EPHA7: variants seen among roughly 807,000 people sequenced by gnomAD.
EPHA7 encodes the protein ephrin type-A receptor 7.
In EPHA7, 25 loss-of-function variants were observed where a neutral mutation model predicts 112.6. The ratio of observed to expected loss-of-function variants is 0.22; its 90% CI spans 0.16 to 0.31. The LOEUF is 0.31. Ranked by LOEUF, EPHA7 falls within the 10% of genes least tolerant of loss-of-function variation. EPHA7 has a pLI of 1.00. For missense variants in EPHA7, 962 were observed against 1,212.6 expected, an observed-to-expected ratio of 0.79 and a Z score of 3.07; for synonymous variants, 437 against 406.5, an observed-to-expected ratio of 1.07 and a Z score of -0.90.
chr6:93,249,253 T>G (rs1770098618), intron 14 of EPHA7, among the ~76,000 whole-genome samples: 1 of 152,154 alleles, frequency 6.6e-6, no homozygotes, highest in Non-Finnish European at 1.5e-5. Flanking sequence ...TCTGCAAGGA[T>G]CACAAATATA....
intron 5 of EPHA7, among the ~76,000 whole-genome samples, chr6:93,356,070 T>C (rs774794797): frequency 6.6e-6 from 1 of 152,212 alleles, no homozygotes; most frequent in Non-Finnish European, 1.5e-5. Flanking sequence ...TTTATGATCA[T>C]GAGCATAACA....
chr6:93,324,050 C>T (rs913241976), intron 5 of EPHA7, among the ~76,000 whole-genome samples: 4 of 151,412 alleles, frequency 2.6e-5, no homozygotes, highest in African/African-American at 9.7e-5. Context: ...GGCAGACAGA[C>T]TCTTTTGAGC....
Position 93,269,592 on chromosome 6 carries a change from T to A in EPHA7, c.1518A>T (p.Lys506Asn). Residue 506 changes from lysine (K) to asparagine (N), a missense_variant, in exon 7 of 17, where the codon AAA (lysine) becomes AAT (asparagine). Physicochemically the swap from Lys to Asn is moderately conservative, Grantham distance 94 (BLOSUM62 0). This residue lies in a region of EPHA7 where 746 missense variants were observed against 889.2 expected (regional missense o/e 0.84). Transcript: ENST00000369303. ...TCTGGAAAACATACACTGTTCCTGGTTTCAGATTATTAATGGAGGCTGAAG... is the reference window on the plus strand; with the variant it reads ...TCTGGAAAACATACACTGTTCCTGGATTCAGATTATTAATGGAGGCTGAAG... Reference protein sequence around the residue: ...KSTSASINNLKPGTVYVFQIR... With the variant: ...KSTSASINNLNPGTVYVFQIR... 1 of 1,603,498 alleles carries A rather than the reference T, an allele frequency of 6.2e-7. No homozygotes were observed. Among genetic ancestry groups the A allele is most frequent in the Non-Finnish European group, 8.5e-7 (1 of 1,174,856 alleles).
At chr6:93,301,079 C>T (rs1261462319) in intron 5 of EPHA7, among the ~76,000 whole-genome samples, 1 of 152,080 alleles carries the variant, frequency 6.6e-6, no homozygotes, top group South Asian at 2.1e-4. Context: ...TTGTGTATGT[C>T]GTCTGTCCTT....
At chr6:93,263,948 C>G (rs778458360) in intron 8 of EPHA7, 33 bp from the exon 9 acceptor site, 4 of 1,568,842 alleles carry the variant, frequency 2.5e-6, no homozygotes, top group Non-Finnish European at 3.5e-6. Context: ...CAATCTCAGT[C>G]ATTTTACTTT....
At chr6:93,367,797 A>T (rs145576012) in intron 3 of EPHA7, among the ~76,000 whole-genome samples, 2 of 152,318 alleles carry the variant, frequency 1.3e-5, no homozygotes, top group East Asian at 3.9e-4. Flanking sequence ...TGAAGAACTT[A>T]GTATGCTGCC....
chr6:93,308,965 A>G (rs1240224921), intron 5 of EPHA7, among the ~76,000 whole-genome samples: 1 of 141,932 alleles, frequency 7.0e-6, no homozygotes, highest in Admixed American at 6.8e-5. Flanking sequence ...TTTTTTTTTT[A>G]AACTACAGAG....
chr6:93,397,248 T>C (rs1028904068), intron 3 of EPHA7, among the ~76,000 whole-genome samples: 1 of 151,806 alleles, frequency 6.6e-6, no homozygotes, highest in African/African-American at 2.4e-5. Context: ...ATTTTTATTC[T>C]CTCAAGTAAA....
chr6:93,317,566 C>G (rs1261243965), intron 5 of EPHA7, among the ~76,000 whole-genome samples: 3 of 152,078 alleles, frequency 2.0e-5, no homozygotes, highest in Non-Finnish European at 2.9e-5. Context: ...TTTAATGAGG[C>G]CTTGGCATAT....
chr6:93,409,456 G>A (rs1244784901), intron 3 of EPHA7, among the ~76,000 whole-genome samples: 2 of 151,900 alleles, frequency 1.3e-5, no homozygotes, highest in African/African-American at 2.4e-5. Context: ...GTATGTAAAG[G>A]AAATGGAGGA....
intron 3 of EPHA7, among the ~76,000 whole-genome samples, chr6:93,405,056 A>G (rs965734727): frequency 6.6e-6 from 1 of 151,916 alleles, no homozygotes; most frequent in Non-Finnish European, 1.5e-5. Context: ...GTGTACAAAA[A>G]TAAAAGTTAA....
chr6:93,275,978 C>G (rs1306851295), intron 5 of EPHA7, among the ~76,000 whole-genome samples: 4 of 151,974 alleles, frequency 2.6e-5, no homozygotes, highest in African/African-American at 7.2e-5. Flanking sequence ...CCCCTGCCAA[C>G]AGGTTAAGCT....
At chr6:93,269,742 T>C (rs930011024) in intron 6 of EPHA7, 82 bp from the exon 7 acceptor site, 29 of 1,174,740 alleles carry the variant, frequency 2.5e-5, no homozygotes, top group Non-Finnish European at 2.7e-5. Flanking sequence ...TTTAATTCAA[T>C]TTGCTCCATT....
At position 93,260,559 on chromosome 6, in the gene EPHA7, C is replaced by A. The variant is rs149980202; in HGVS notation, c.1799-1080G>T. The A allele has an allele frequency of 2.1e-4, 197 of 947,660 alleles. No individual in the cohort carries two copies. In the African/African-American group the frequency reaches 3.3e-3, roughly 16 times the overall value. 58.7% of individuals were successfully genotyped at this position (947,660 alleles called of 1,614,324 possible). ...TTACTATTTGGAGAACAATATATTTCTTTATATATTACACTGCAGCCTAAC... is the reference window on the plus strand; with the variant it reads ...TTACTATTTGGAGAACAATATATTTATTTATATATTACACTGCAGCCTAAC... On this transcript the variant is annotated intron_variant, in intron 9 of 16. Coordinates refer to ENST00000369303, the MANE Select transcript of EPHA7 (RefSeq NM_004440.4).
At chr6:93,293,265 A>G (rs1772480618) in intron 5 of EPHA7, among the ~76,000 whole-genome samples, 1 of 151,972 alleles carries the variant, frequency 6.6e-6, no homozygotes, top group African/African-American at 2.4e-5. Context: ...AAAATTTAAA[A>G]CAATCAAATT....
chr6:93,331,776 A>T (rs1334453474), intron 5 of EPHA7, among the ~76,000 whole-genome samples: 1 of 151,694 alleles, frequency 6.6e-6, no homozygotes, highest in East Asian at 1.9e-4. Flanking sequence ...TTATCAATTA[A>T]TTATTTCTTC....
At chr6:93,264,023 G>T in intron 8 of EPHA7, 108 bp from the exon 9 acceptor site, 1 of 703,666 alleles carries the variant, frequency 1.4e-6, no homozygotes, top group Non-Finnish European at 2.3e-6. Flanking sequence ...TAAATTTACT[G>T]TTCATAGTTA....
At chr6:93,280,918 C>T (rs1305069311) in intron 5 of EPHA7, among the ~76,000 whole-genome samples, 1 of 152,004 alleles carries the variant, frequency 6.6e-6, no homozygotes, top group Non-Finnish European at 1.5e-5. Context: ...AGATTCAGGC[C>T]TTCGTATTTT....
At chr6:93,280,756 TTAAA>T (rs1771693798) in intron 5 of EPHA7, among the ~76,000 whole-genome samples, 1 of 152,152 alleles carries the variant, frequency 6.6e-6, no homozygotes, top group South Asian at 2.1e-4. Context: ...GTTATGGAAA[TTAAA>T]TATATAAATA....
Sources: allele counts gnomAD v4.1 joint callset (sites outside exome capture counted in the v4.1 genomes callset), GRCh38; gene constraint gnomAD v4.1.1; regional missense constraint gnomAD v4.1.1; transcripts MANE v1.5; gene names NCBI Gene and HGNC (gene_info 2026-07-23, HGNC 2026-07-21).